ALDH1L2: variants seen among roughly 807,000 people sequenced by gnomAD.
ALDH1L2 encodes the protein mitochondrial 10-formyltetrahydrofolate dehydrogenase.
A neutral mutation model predicts 111.0 loss-of-function variants in ALDH1L2; 91 were observed. The ratio of observed to expected loss-of-function variants is 0.82; its 90% CI spans 0.69 to 0.98. The LOEUF is 0.98. ALDH1L2 is among the 50% of genes least tolerant of loss of function. The pLI is 0.00. For missense variants in ALDH1L2, 995 were observed against 1,126.8 expected (o/e 0.88, Z 1.67); for synonymous variants, 374 against 392.6 (o/e 0.95, Z 0.56).
At chr12:105,034,484 T>C in intron 18 of ALDH1L2, 86 bp from the exon 19 acceptor site, 2 of 1,228,778 alleles carry the variant, frequency 1.6e-6, no homozygotes, top group East Asian at 4.9e-5. Flanking sequence ...AGTTAGTTGT[T>C]TTTGGAAGAC....
Position 105,058,235 on chromosome 12 carries a change from C to T in ALDH1L2, c.1140-15G>A. ...CTTCAACCAGCCTTAAAGTAAAAAC[C>T]AGCTTCGCGTTACTTAGATTTTTAA... On this transcript the variant is annotated splice_polypyrimidine_tract_variant and intron_variant, in intron 9 of 22. Transcript: ENST00000258494. The T allele has an allele frequency of 6.3e-7, 1 of 1,588,900 alleles. No homozygotes were observed. Among genetic ancestry groups the T allele is most frequent in the Admixed American group, 1.9e-5 (1 of 53,310 alleles).
At chr12:105,046,219 ATATTTTTTTTTTTTTTT>A (rs1875895093) in intron 15 of ALDH1L2, among the ~76,000 whole-genome samples, 7 of 27,412 alleles carry the variant, frequency 2.6e-4, no homozygotes, top group African/African-American at 1.2e-3. Context: ...ATATATATAT[ATATTTTTTTTTTTTTTT>A]TTTTTTTTTT....
intron 22 of ALDH1L2, 74 bp downstream of exon 22, chr12:105,026,471 G>A (rs1191882319): frequency 1.3e-6 from 2 of 1,552,132 alleles, no homozygotes; most frequent in African/African-American, 2.7e-5. Context: ...TCACACACAA[G>A]TCATGAAACA....
intron 12 of ALDH1L2, 42 bp from the exon 13 acceptor site, chr12:105,050,100 T>C (rs767811064): frequency 4.0e-6 from 6 of 1,513,554 alleles, no homozygotes; most frequent in Middle Eastern, 1.8e-4. Context: ...AAGTATTGAT[T>C]GAGCTCCTGT....
intron 21 of ALDH1L2, among the ~76,000 whole-genome samples, chr12:105,028,831 G>C (rs1164138373): frequency 1.3e-5 from 2 of 152,114 alleles, no homozygotes; most frequent in African/African-American, 4.8e-5. Flanking sequence ...GTAATACTCA[G>C]AATGACCTAA....
intron 1 of ALDH1L2, among the ~76,000 whole-genome samples, chr12:105,076,441 C>T (rs1337628657): frequency 6.6e-6 from 1 of 152,176 alleles, no homozygotes; most frequent in Non-Finnish European, 1.5e-5. Flanking sequence ...TATTAACCCA[C>T]TTTAGGGATA....
In ALDH1L2 at chr12:105,022,933, G is replaced by C. The variant is rs964503188; in HGVS notation, c.*1491C>G. 6.6e-6 allele frequency: 1 copy of C among 152,138 alleles called. No homozygotes were observed. Among genetic ancestry groups the C allele is most frequent in the Admixed American group, 6.6e-5 (1 of 15,262 alleles). 9.4% of individuals were successfully genotyped at this position (152,138 alleles called of 1,614,324 possible). On this transcript the variant is annotated 3_prime_UTR_variant, in exon 23 of 23. Coordinates refer to ENST00000258494, the MANE Select transcript of ALDH1L2 (RefSeq NM_001034173.4). ...GTTTACTGAAATTTTATTTTTAAAGGAGGATTAATAGAATTTAACTTTCTG... is the reference window on the plus strand; with the variant it reads ...GTTTACTGAAATTTTATTTTTAAAGCAGGATTAATAGAATTTAACTTTCTG...
chr12:105,061,408 G>A (rs1049826436), intron 8 of ALDH1L2, among the ~76,000 whole-genome samples: 19 of 152,112 alleles, frequency 1.2e-4, no homozygotes, highest in Admixed American at 9.2e-4. Context: ...CCTAACCCCC[G>A]TGCCAACCTG....
intron 9 of ALDH1L2, 93 bp from the exon 10 acceptor site, chr12:105,058,313 GACTT>G: frequency 7.5e-7 from 1 of 1,330,302 alleles, no homozygotes; most frequent in Non-Finnish European, 1.0e-6. Flanking sequence ...TTTGAGGTAA[GACTT>G]ACATCACATG....
At chr12:105,038,278 AAACACACACAC>A (rs1875297190) in intron 17 of ALDH1L2, 76 bp from the exon 18 acceptor site, 17 of 253,912 alleles carry the variant, frequency 6.7e-5, no homozygotes, top group East Asian at 4.7e-4. Context: ...ACACACACAC[AAACACACACAC>A]ACACACACAC....
At chr12:105,043,484 A>C (rs1476057455) in intron 15 of ALDH1L2, among the ~76,000 whole-genome samples, 1 of 152,192 alleles carries the variant, frequency 6.6e-6, no homozygotes, top group Non-Finnish European at 1.5e-5. Flanking sequence ...TTGGCCCAAA[A>C]TATTTGAAGT....
At chr12:105,084,295 C>T (rs1878484150) in intron 1 of ALDH1L2, 94 bp downstream of exon 1, 2 of 1,360,522 alleles carry the variant, frequency 1.5e-6, no homozygotes, top group Admixed American at 6.4e-5. Flanking sequence ...AGCATCGCTG[C>T]TCATCCCCAG....
At chr12:105,040,778 A>G in intron 15 of ALDH1L2, 84 bp from the exon 16 acceptor site, 2 of 1,037,290 alleles carry the variant, frequency 1.9e-6, no homozygotes, top group Non-Finnish European at 3.0e-6. Context: ...TGATAGCTGC[A>G]CTAGATCTCA....
chr12:105,022,279 C>T lies in ALDH1L2; in HGVS notation c.*2145G>A, dbSNP rs1173617451. On this transcript the variant is annotated 3_prime_UTR_variant, in exon 23 of 23. Transcript: ENST00000258494. ...TCTTAATCTGGGGCCCAAGCATGGC[C>T]TTTGGGAGGTCTGTGAACCCTTTGA... 2.6e-5 allele frequency: 4 copies of T among 152,132 alleles called. No individual in the cohort carries two copies. Among genetic ancestry groups the T allele is most frequent in the African/African-American group, 9.7e-5 (4 of 41,414 alleles). 9.4% of individuals were successfully genotyped at this position (152,132 alleles called of 1,614,324 possible).
Position 105,062,875 on chromosome 12 carries a change from A to G in ALDH1L2, c.921+13T>C. 1.2e-6 allele frequency: 2 copies of G among 1,609,134 alleles called. No individual in the cohort carries two copies. Among genetic ancestry groups the G allele is most frequent in the Non-Finnish European group, 8.5e-7 (1 of 1,178,414 alleles). ...AAAAGGTTATTTCATAGGCAGCCAT[A>G]TTTAACACTCACTGCTTTTCCATCG... On this transcript the variant is annotated intron_variant, in intron 7 of 22. Transcript: ENST00000258494.
chr12:105,026,763 A>T lies in ALDH1L2; in HGVS notation c.2517-19T>A. On this transcript the variant is annotated intron_variant, in intron 21 of 22. Transcript: ENST00000258494. ...GATGTCCCTGTGTTTTTAGGAAGAC[A>T]TAAAACTTCATTAAATGTAAAGCAA... is the stretch of plus-strand genomic sequence containing the variant. The T allele has an allele frequency of 6.2e-7, 1 of 1,611,050 alleles. No individual in the cohort carries two copies.
At chr12:105,067,533 TA>T (rs1338538446) in intron 4 of ALDH1L2, among the ~76,000 whole-genome samples, 1 of 152,200 alleles carries the variant, frequency 6.6e-6, no homozygotes, top group Non-Finnish European at 1.5e-5. Flanking sequence ...AGACCTGGAA[TA>T]AAAAAAGTTA....
In ALDH1L2 at chr12:105,027,800, T is replaced by C. The variant is rs544879864; in HGVS notation, c.2517-1056A>G. On this transcript the variant is annotated intron_variant, in intron 21 of 22. Coordinates refer to ENST00000258494, the MANE Select transcript of ALDH1L2 (RefSeq NM_001034173.4). ...GGTTCACCCTCCATAAATTGGAAGA[T>C]AAAAGTTCCCCGAGGGCAGGGATAA... Among the ~76,000 whole-genome samples, 43 of 152,336 alleles carry C rather than the reference T, an allele frequency of 2.8e-4. 1 individual carries two copies. The South Asian group carries it at 8.7e-3, about 31-fold the overall frequency.
intron 10 of ALDH1L2, 21 bp from the exon 11 acceptor site, chr12:105,052,952 G>A (rs753796645): frequency 5.0e-6 from 8 of 1,610,830 alleles, no homozygotes; most frequent in Admixed American, 1.7e-5. Flanking sequence ...TATATTAATA[G>A]ATTCAATGGA....
Sources: gnomAD v4.1 joint callset for allele counts (sites outside exome capture counted in the v4.1 genomes callset) on GRCh38, gnomAD v4.1.1 for gene constraint, MANE v1.5 for transcripts, NCBI Gene and HGNC (gene_info 2026-07-23, HGNC 2026-07-21) for gene names.